ZBTB46: variants seen among roughly 807,000 people sequenced by gnomAD.
The protein encoded by ZBTB46 is zinc finger and BTB domain-containing protein 46.
A neutral mutation model predicts 44.1 loss-of-function variants in ZBTB46; 8 were observed. That is an observed-to-expected ratio of 0.18 (90% CI 0.11 to 0.33). ZBTB46 has a LOEUF of 0.33. Ranked by LOEUF, ZBTB46 falls within the 10% of genes least tolerant of loss-of-function variation. ZBTB46 has a pLI of 1.00. For missense variants in ZBTB46, 651 were observed against 847.7 expected, an observed-to-expected ratio of 0.77 and a Z score of 2.88; for synonymous variants, 409 against 382.3, an observed-to-expected ratio of 1.07 and a Z score of -0.81.
chr20:63,801,279 A>C (rs1196459465), intron 1 of ZBTB46, among the ~76,000 whole-genome samples: 4 of 152,134 alleles, frequency 2.6e-5, no homozygotes, highest in African/African-American at 4.8e-5. Context: ...ATCCAGCTCA[A>C]GGTTTGTGAA....
chr20:63,803,536 G>A lies in ZBTB46; in HGVS notation c.-33-12746C>T. On this transcript the variant is annotated intron_variant, in intron 1 of 4. Transcript: ENST00000245663. This position sits in a 1 kb window ranked among gnomAD's most constrained non-coding sequence, Gnocchi z 4.0. ...CCATGTGGCCATCTGAAGATGCAAA[G>A]CCATGTCTGCCGGCCCCGGGCTGCC... 3 of 983,986 alleles carry A rather than the reference G, an allele frequency of 3.0e-6. No homozygotes were observed. The highest frequency in any genetic ancestry group is 3.6e-6 in the Non-Finnish European group (3 of 829,574). The allele number at this position is 983,986 out of a possible 1,614,324, so 61.0% of individuals were successfully genotyped here. A position where few individuals can be genotyped will look rare whatever the true frequency, so the allele number is the denominator to read the frequency against.
chr20:63,810,887 T>C (rs2092713808), intron 1 of ZBTB46, among the ~76,000 whole-genome samples: 1 of 152,240 alleles, frequency 6.6e-6, no homozygotes, highest in African/African-American at 2.4e-5. Context: ...TACGTTTCTC[T>C]TTCCTCACTC....
intron 3 of ZBTB46, among the ~76,000 whole-genome samples, chr20:63,758,924 G>GA (rs931923068): frequency 1.3e-5 from 2 of 151,276 alleles, no homozygotes; most frequent in African/African-American, 4.9e-5. Context: ...AATAGAGACG[G>GA]GTTTCACTGT....
rs868462709 is a variant in ZBTB46, at chr20:63,746,726, A to G, written c.*204T>C. ...CCTGTGCCCTCCCCCAACTCACTTC[A>G]TGTCTGGTCCCAGAGCACCCCTCTT... On this transcript the variant is annotated 3_prime_UTR_variant, in exon 5 of 5. Transcript: ENST00000245663. 1.3e-6 allele frequency: 1 copy of G among 755,002 alleles called. No homozygotes were observed. The highest frequency in any genetic ancestry group is 2.0e-6 in the Non-Finnish European group (1 of 510,154). The allele number at this position is 755,002 out of a possible 1,614,324, so 46.8% of individuals were successfully genotyped here. A position where few individuals can be genotyped will look rare whatever the true frequency, so the allele number is the denominator to read the frequency against.
chr20:63,788,885 G>A (rs1337502794), intron 2 of ZBTB46, among the ~76,000 whole-genome samples: 1 of 150,218 alleles, frequency 6.7e-6, no homozygotes, highest in African/African-American at 2.4e-5. Context: ...GCCCAGGTTG[G>A]AGTGCAATGG....
chr20:63,804,320 A>C (rs955774678), intron 1 of ZBTB46, among the ~76,000 whole-genome samples: 1 of 152,180 alleles, frequency 6.6e-6, no homozygotes, highest in African/African-American at 2.4e-5. Flanking sequence ...GGGCCGGGGC[A>C]GCTGAGCTCC....
chr20:63,807,412 T>A (rs1448034002), intron 1 of ZBTB46, among the ~76,000 whole-genome samples: 1 of 152,180 alleles, frequency 6.6e-6, no homozygotes, highest in Admixed American at 6.6e-5. Context: ...TGGCGCCATC[T>A]TGGCTCACTG....
chr20:63,819,998 A>C (rs112092128), intron 1 of ZBTB46, among the ~76,000 whole-genome samples: 136 of 152,326 alleles, frequency 8.9e-4, no homozygotes, highest in Non-Finnish European at 1.4e-3. Flanking sequence ...AAACATAACC[A>C]TTTCCTCAGG....
chr20:63,820,955 C>T (rs918954185), intron 1 of ZBTB46, among the ~76,000 whole-genome samples: 2 of 151,308 alleles, frequency 1.3e-5, no homozygotes, highest in African/African-American at 2.4e-5. Flanking sequence ...TGCAATGGTG[C>T]GATCTCAGCT....
At chr20:63,814,232 CAAA>C (rs113002137) in intron 1 of ZBTB46, among the ~76,000 whole-genome samples, 2 of 71,498 alleles carry the variant, frequency 2.8e-5, no homozygotes, top group Non-Finnish European at 3.0e-5. Flanking sequence ...GACTCCGTCT[CAAA>C]AAAAAAAAAA....
chr20:63,823,292 C>T (rs1187487482), intron 1 of ZBTB46, among the ~76,000 whole-genome samples: 1 of 152,012 alleles, frequency 6.6e-6, no homozygotes, highest in African/African-American at 2.4e-5. Flanking sequence ...CTCAGGAGTT[C>T]AAGACCAGCG....
chr20:63,828,176 C>A (rs1202592294), intron 1 of ZBTB46, among the ~76,000 whole-genome samples: 1 of 152,236 alleles, frequency 6.6e-6, no homozygotes, highest in East Asian at 1.9e-4. Flanking sequence ...ACCAGCAAAC[C>A]AGAACACCAA....
At chr20:63,798,391 T>A (rs1385376354) in intron 1 of ZBTB46, among the ~76,000 whole-genome samples, 1 of 151,944 alleles carries the variant, frequency 6.6e-6, no homozygotes, top group Non-Finnish European at 1.5e-5. Flanking sequence ...TAGCTGGGCG[T>A]TGGCCGCGCG....
At position 63,752,694 on chromosome 20, in the gene ZBTB46, G is replaced by A. The variant is rs2092181076; in HGVS notation, c.1390C>T (p.His464Tyr). Residue 464 changes from histidine (H) to tyrosine (Y), a missense_variant, in exon 4 of 5, where the codon CAC (histidine) becomes TAC (tyrosine). Coordinates refer to ENST00000245663, the MANE Select transcript of ZBTB46 (RefSeq NM_001369741.1). This position sits in a 1 kb window ranked among gnomAD's most constrained non-coding sequence, Gnocchi z 5.6. ...KFTRREHMKR[H>Y]TLVHSKDKKY... ...ACCCTCCCCGCACTCACCAGCGTGTGGCGCTTCATGTGCTCGCGCCGCGTG... is the reference window on the plus strand; with the variant it reads ...ACCCTCCCCGCACTCACCAGCGTGTAGCGCTTCATGTGCTCGCGCCGCGTG... 1 of 1,586,994 alleles carries A rather than the reference G, an allele frequency of 6.3e-7. No individual in the cohort carries two copies. The highest frequency in any genetic ancestry group is 1.7e-5 in the Admixed American group (1 of 58,570).
chr20:63,820,054 G>A (rs554193024), intron 1 of ZBTB46, among the ~76,000 whole-genome samples: 2 of 152,212 alleles, frequency 1.3e-5, no homozygotes, highest in East Asian at 1.9e-4. Context: ...AACGTATAAC[G>A]AAGAAAAGAA....
At chr20:63,802,327 G>GCA (rs1276569150) in intron 1 of ZBTB46, among the ~76,000 whole-genome samples, 26 of 152,012 alleles carry the variant, frequency 1.7e-4, no homozygotes, top group Admixed American at 6.6e-5. Flanking sequence ...GGAGGCTGAG[G>GCA]CACAAGAATC....
chr20:63,833,581 ACT>A (rs2092861636), upstream of ZBTB46, among the ~76,000 whole-genome samples: 1 of 151,926 alleles, frequency 6.6e-6, no homozygotes, highest in Non-Finnish European at 1.5e-5. Context: ...ACAGAGCAAG[ACT>A]CTGTCTCAAA....
At chr20:63,748,447 G>C (rs1175017914) in intron 4 of ZBTB46, among the ~76,000 whole-genome samples, 1 of 152,232 alleles carries the variant, frequency 6.6e-6, no homozygotes, top group South Asian at 2.1e-4. Context: ...CTCAGACATG[G>C]CCAGGGATGG....
intron 1 of ZBTB46, among the ~76,000 whole-genome samples, chr20:63,829,911 G>A (rs989478136): frequency 6.6e-6 from 1 of 152,188 alleles, no homozygotes; most frequent in African/African-American, 2.4e-5. Context: ...CAATTAAAAT[G>A]CCCGTGAGTT....
Sources: gnomAD v4.1 joint callset for allele counts (sites outside exome capture counted in the v4.1 genomes callset) on GRCh38, gnomAD v4.1.1 for gene constraint, Gnocchi (gnomAD v3.1) non-coding constraint, MANE v1.5 for transcripts, NCBI Gene and HGNC (gene_info 2026-07-23, HGNC 2026-07-21) for gene names.